Variants in OLA1 observed in about 807,000 individuals in gnomAD.
OLA1 encodes the protein obg-like ATPase 1.
Under a neutral mutation model 48.4 loss-of-function variants are expected in OLA1, and 14 were observed. The observed-to-expected ratio is 0.29, with a 90% CI of 0.19 to 0.45. OLA1 has a LOEUF of 0.45. OLA1 is among the 20% of genes least tolerant of loss of function. The pLI is 1.00. For missense variants in OLA1, 325 were observed against 467.1 expected (o/e 0.70, Z 2.80); for synonymous variants, 127 against 150.4 (o/e 0.84, Z 1.14).
chr2:174,092,132 A>G (rs1685140571), intron 7 of OLA1, among the ~76,000 whole-genome samples: 1 of 142,470 alleles, frequency 7.0e-6, no homozygotes, highest in African/African-American at 2.5e-5. Flanking sequence ...CATCTCAAAA[A>G]AAAAAAAAAA....
chr2:174,136,976 T>A (rs537307920), intron 5 of OLA1, among the ~76,000 whole-genome samples: 2 of 152,184 alleles, frequency 1.3e-5, no homozygotes, highest in South Asian at 2.1e-4. Flanking sequence ...CGCCCGGCCA[T>A]GAAAATTCAT....
At chr2:174,097,238 G>A (rs138806492) in intron 7 of OLA1, among the ~76,000 whole-genome samples, 1 of 152,102 alleles carries the variant, frequency 6.6e-6, no homozygotes, top group East Asian at 1.9e-4. Context: ...TTATAGATAG[G>A]GAGGTAACTG....
At chr2:174,160,801 G>A (rs1476234702) in intron 4 of OLA1, among the ~76,000 whole-genome samples, 1 of 152,158 alleles carries the variant, frequency 6.6e-6, no homozygotes, top group Non-Finnish European at 1.5e-5. Context: ...TATTAAAGCT[G>A]AATGGTGATG....
intron 4 of OLA1, among the ~76,000 whole-genome samples, chr2:174,145,060 T>C (rs1030849693): frequency 6.8e-6 from 1 of 147,630 alleles, no homozygotes; most frequent in Non-Finnish European, 1.5e-5. Context: ...CTAACCTCTA[T>C]AGATCTTATC....
chr2:174,091,412 T>C (rs562841217), intron 7 of OLA1, among the ~76,000 whole-genome samples: 5 of 114,462 alleles, frequency 4.4e-5, no homozygotes, highest in Admixed American at 1.7e-4. Flanking sequence ...AGATTTTATC[T>C]GTCATCATCT....
chr2:174,102,179 G>A (rs1226380008), intron 7 of OLA1, among the ~76,000 whole-genome samples: 2 of 151,912 alleles, frequency 1.3e-5, no homozygotes, highest in Non-Finnish European at 2.9e-5. Context: ...CTGGGAGCAC[G>A]CTGGACAACT....
At chr2:174,136,950 T>C (rs958736561) in intron 5 of OLA1, among the ~76,000 whole-genome samples, 7 of 152,096 alleles carry the variant, frequency 4.6e-5, no homozygotes, top group Admixed American at 4.6e-4. Flanking sequence ...GCTGGGATTA[T>C]AGGCGTGAGC....
At chr2:174,206,050 T>C (rs946387681) in intron 4 of OLA1, among the ~76,000 whole-genome samples, 1 of 152,166 alleles carries the variant, frequency 6.6e-6, no homozygotes, top group African/African-American at 2.4e-5. Context: ...AAGGCATCAA[T>C]GTAAAATTTG....
intron 7 of OLA1, among the ~76,000 whole-genome samples, chr2:174,089,637 C>T (rs1184115227): frequency 6.6e-6 from 1 of 152,148 alleles, no homozygotes; most frequent in Non-Finnish European, 1.5e-5. Flanking sequence ...TGCAGTGGCT[C>T]ATGCCTGTAA....
intron 4 of OLA1, among the ~76,000 whole-genome samples, chr2:174,211,498 A>C (rs1688242971): frequency 6.6e-6 from 1 of 152,230 alleles, no homozygotes; most frequent in African/African-American, 2.4e-5. Flanking sequence ...TTTAATGCAG[A>C]ACTCTAGAAA....
intron 2 of OLA1, 92 bp downstream of exon 2, chr2:174,246,623 T>C: frequency 3.6e-6 from 3 of 830,492 alleles, no homozygotes; most frequent in Non-Finnish European, 6.0e-6. Context: ...TTTCTTCAAC[T>C]TAAAGTTTAA....
intron 2 of OLA1, among the ~76,000 whole-genome samples, chr2:174,246,173 G>A (rs1312343076): frequency 3.3e-5 from 5 of 151,510 alleles, no homozygotes; most frequent in South Asian, 4.2e-4. Context: ...GGTGGTGCGC[G>A]CCTGTAATCC....
intron 5 of OLA1, among the ~76,000 whole-genome samples, chr2:174,137,830 T>C (rs1427774013): frequency 6.6e-6 from 1 of 152,220 alleles, no homozygotes; most frequent in Non-Finnish European, 1.5e-5. Context: ...TAAGGGAATA[T>C]TGTGGATAGT....
At chr2:174,205,398 A>G (rs1164116050) in intron 4 of OLA1, among the ~76,000 whole-genome samples, 11 of 152,226 alleles carry the variant, frequency 7.2e-5, no homozygotes, top group Admixed American at 7.2e-4. Context: ...TAATTGGAAG[A>G]TAAAGAACAC....
intron 7 of OLA1, among the ~76,000 whole-genome samples, chr2:174,113,369 A>C (rs113133551): frequency 0.025 from 3,750 of 152,278 alleles, 149 homozygotes; most frequent in African/African-American, 0.084. Context: ...ATTCTGTACC[A>C]CTATTTTAGA....
intron 4 of OLA1, among the ~76,000 whole-genome samples, chr2:174,194,662 C>T (rs1320734568): frequency 1.3e-5 from 2 of 152,124 alleles, no homozygotes; most frequent in Non-Finnish European, 2.9e-5. Flanking sequence ...TACTCAAACC[C>T]CCATATTCTC....
chr2:174,087,327 C>T (rs968503742), intron 7 of OLA1, among the ~76,000 whole-genome samples: 1 of 151,900 alleles, frequency 6.6e-6, no homozygotes, highest in Non-Finnish European at 1.5e-5. Context: ...CACTCGGCCC[C>T]TATTGTATAT....
chr2:174,108,342 A>G (rs1558957286), intron 7 of OLA1, among the ~76,000 whole-genome samples: 1 of 152,142 alleles, frequency 6.6e-6, no homozygotes, highest in Non-Finnish European at 1.5e-5. Context: ...AGCATTTAAA[A>G]ACTCCTGTTC....
intron 4 of OLA1, among the ~76,000 whole-genome samples, chr2:174,162,451 C>T (rs936970763): frequency 9.9e-5 from 15 of 152,178 alleles, no homozygotes; most frequent in African/African-American, 3.4e-4. Context: ...TGTCCCATAC[C>T]AGGCTACGAA....
Sources: gnomAD v4.1 joint callset for allele counts (sites outside exome capture counted in the v4.1 genomes callset) on GRCh38, gnomAD v4.1.1 for gene constraint, MANE v1.5 for transcripts, NCBI Gene and HGNC (gene_info 2026-07-23, HGNC 2026-07-21) for gene names.